CFAP47: variants seen among roughly 807,000 people sequenced by gnomAD.
CFAP47 encodes the protein cilia and flagella associated protein 47, also known as cilia- and flagella-associated protein 47.
Under a neutral mutation model 148.1 loss-of-function variants are expected in CFAP47, and 29 were observed. The ratio of observed to expected loss-of-function variants is 0.20; its 90% confidence interval spans 0.15 to 0.27. The LOEUF (loss-of-function observed/expected upper bound fraction) is 0.27, where lower values mean the gene tolerates loss of function less well. Among genes scored for constraint, CFAP47 ranks in the 10% least tolerant of loss-of-function variants. CFAP47 has a pLI of 1.00. For missense variants in CFAP47, 1,872 were observed against 1,697.5 expected (o/e 1.10, Z -1.81); for synonymous variants, 664 against 577.3 (o/e 1.15, Z -2.15).
At chrX:36,149,306 T>G (rs1376009393) in intron 37 of CFAP47, 83 bp downstream of exon 37, 1 of 275,511 alleles carries the variant, frequency 3.6e-6, no homozygotes, top group Admixed American at 6.5e-5. Flanking sequence ...TGACTTTGAT[T>G]TTAATATTGA....
At chrX:36,202,893 A>G (rs898091061) in intron 44 of CFAP47, among the ~76,000 whole-genome samples, 17 of 109,732 alleles carry the variant, frequency 1.5e-4, no homozygotes, top group Admixed American at 3.9e-4. Flanking sequence ...AAAAAAAAAG[A>G]GAAAGAAAAA....
intron 35 of CFAP47, among the ~76,000 whole-genome samples, chrX:36,141,456 G>A (rs1939138541): frequency 9.0e-6 from 1 of 111,273 alleles, no homozygotes; most frequent in South Asian, 3.8e-4. Flanking sequence ...CAGCTGATTG[G>A]ATGGTGTCTG....
intron 21 of CFAP47, among the ~76,000 whole-genome samples, chrX:36,005,687 G>T (rs1027693664): frequency 9.8e-5 from 11 of 111,857 alleles, no homozygotes; most frequent in Non-Finnish European, 1.5e-4. Flanking sequence ...GCACATGTGT[G>T]CAATGGTGAA....
intron 33 of CFAP47, among the ~76,000 whole-genome samples, chrX:36,132,354 A>C (rs1477005154): frequency 8.9e-6 from 1 of 112,018 alleles, no homozygotes; most frequent in Non-Finnish European, 1.9e-5. Context: ...GTCTCCAAAA[A>C]AAGACAACCA....
chrX:36,271,920 A>G (rs1940964206), intron 49 of CFAP47, among the ~76,000 whole-genome samples: 1 of 112,105 alleles, frequency 8.9e-6, no homozygotes, highest in South Asian at 3.7e-4. Context: ...TATGTTGAAA[A>G]TGAAGTTCAC....
At chrX:35,930,143 G>A (rs182179546) in intron 2 of CFAP47, among the ~76,000 whole-genome samples, 9 of 111,844 alleles carry the variant, frequency 8.0e-5, no homozygotes, top group African/African-American at 2.9e-4. Flanking sequence ...TATTATAAAG[G>A]AGTGTTAAAT....
chrX:36,082,217 A>G (rs1315815761), intron 29 of CFAP47, among the ~76,000 whole-genome samples: 1 of 111,164 alleles, frequency 9.0e-6, no homozygotes, highest in Non-Finnish European at 1.9e-5. Flanking sequence ...CATATTTCTT[A>G]TAAGTCAATA....
chrX:36,114,495 G>A (rs1271602871), intron 33 of CFAP47, among the ~76,000 whole-genome samples: 1 of 111,917 alleles, frequency 8.9e-6, no homozygotes, highest in Non-Finnish European at 1.9e-5. Flanking sequence ...TCAGCCTTTA[G>A]AGTGGCTCAC....
chrX:36,358,701 T>C (rs1556018781), intron 60 of CFAP47, among the ~76,000 whole-genome samples: 3 of 111,894 alleles, frequency 2.7e-5, no homozygotes, highest in Non-Finnish European at 1.9e-5. Context: ...CACGGTTTGA[T>C]AAACTCCTCT....
At chrX:36,371,682 ATG>A (rs1180574930) in intron 62 of CFAP47, among the ~76,000 whole-genome samples, 26 of 74,412 alleles carry the variant, frequency 3.5e-4, no homozygotes, top group Admixed American at 1.6e-3. Flanking sequence ...ATGTGTATAT[ATG>A]TGTGTATATA....
At chrX:36,193,911 C>T (rs1053227788) in intron 42 of CFAP47, among the ~76,000 whole-genome samples, 28 of 111,378 alleles carry the variant, frequency 2.5e-4, no homozygotes, top group Admixed American at 1.7e-3. Context: ...TCCTTATCAA[C>T]GGTACTATCA....
intron 30 of CFAP47, among the ~76,000 whole-genome samples, chrX:36,093,978 T>G (rs1489510477): frequency 1.8e-5 from 2 of 111,832 alleles, no homozygotes; most frequent in Non-Finnish European, 3.8e-5. Flanking sequence ...TCTTTGAAGT[T>G]TTCTTGTAGT....
chrX:36,282,469 A>G (rs1311038854), intron 50 of CFAP47, among the ~76,000 whole-genome samples: 2 of 111,709 alleles, frequency 1.8e-5, no homozygotes, highest in Non-Finnish European at 3.8e-5. Flanking sequence ...GTTGAAAGAT[A>G]GATTAAAAGC....
At chrX:36,380,296 G>A (rs112200175) in intron 63 of CFAP47, among the ~76,000 whole-genome samples, 39 of 110,454 alleles carry the variant, frequency 3.5e-4, no homozygotes, top group African/African-American at 1.3e-3. Flanking sequence ...AAAATTTATT[G>A]TTTTATTTAA....
intron 15 of CFAP47, among the ~76,000 whole-genome samples, chrX:35,981,535 CTT>C (rs1468753817): frequency 9.1e-6 from 1 of 109,887 alleles, no homozygotes; most frequent in African/African-American, 3.3e-5. Flanking sequence ...TTTTTAAAAA[CTT>C]TTATTTTAGG....
At chrX:36,259,312 T>G (rs1443093545) in intron 49 of CFAP47, among the ~76,000 whole-genome samples, 2 of 111,477 alleles carry the variant, frequency 1.8e-5, no homozygotes, top group Non-Finnish European at 3.8e-5. Context: ...AGGGCATGCA[T>G]GATACAAATG....
At chrX:36,376,409 T>A in intron 62 of CFAP47, among the ~76,000 whole-genome samples, 1 of 111,457 alleles carries the variant, frequency 9.0e-6, no homozygotes, top group Non-Finnish European at 1.9e-5. Flanking sequence ...CCCATCAGCA[T>A]TCTGAGACAG....
chrX:36,303,885 G>C lies in CFAP47; in HGVS notation c.8007G>C (p.Thr2669=). The C allele has an allele frequency of 8.8e-7, 1 of 1,140,223 alleles. No individual in the cohort carries two copies. Among genetic ancestry groups the C allele is most frequent in the South Asian group, 2.0e-5 (1 of 49,879 alleles). 94.0% of individuals were successfully genotyped at this position (1,140,223 alleles called of 1,213,427 possible). A position where few individuals can be genotyped will look rare whatever the true frequency, so the allele number is the denominator to read the frequency against. ...AGATCATTCCTTTAGTTAATTGTAC[G>C]CATGAAACCTTAAAATTGCAAGTAA... The part of the protein sequence containing the change: ...VTQIIPLVNC[T]HETLKLQVTN... Residue 2669 remains threonine (T), a synonymous_variant, in exon 54 of 64, where the codon ACG becomes ACC. Coordinates refer to ENST00000378653, the MANE Select transcript of CFAP47 (RefSeq NM_001304548.2).
intron 19 of CFAP47, among the ~76,000 whole-genome samples, chrX:35,998,529 T>C (rs930935043): frequency 1.8e-5 from 2 of 111,754 alleles, no homozygotes; most frequent in African/African-American, 6.5e-5. Context: ...ACTGTTAACA[T>C]CTACCACCAT....
Sources: gnomAD v4.1 joint callset for allele counts (sites outside exome capture counted in the v4.1 genomes callset) on GRCh38, gnomAD v4.1.1 for gene constraint, MANE v1.5 for transcripts, NCBI Gene and HGNC (gene_info 2026-07-23, HGNC 2026-07-21) for gene names.